Variants in SNTG1 observed in about 807,000 individuals in gnomAD.
SNTG1 encodes gamma-1-syntrophin.
In SNTG1, 39 loss-of-function variants were observed where a neutral mutation model predicts 74.7. The ratio of observed to expected loss-of-function variants is 0.52; its 90% CI spans 0.40 to 0.68. The LOEUF is 0.68. Among genes scored for constraint, SNTG1 ranks in the 30% least tolerant of loss-of-function variants. The probability of loss-of-function intolerance (pLI) is 0.00; values close to 1 mark genes in which losing one functional copy is unlikely to be tolerated. For synonymous variants in SNTG1, 254 were observed against 217.1 expected, an observed-to-expected ratio of 1.17 and a Z score of -1.49; for missense variants, 685 against 609.5, an observed-to-expected ratio of 1.12 and a Z score of -1.30.
intron 2 of SNTG1, among the ~76,000 whole-genome samples, chr8:50,259,693 G>A (rs2087084784): frequency 6.6e-6 from 1 of 152,032 alleles, no homozygotes; most frequent in African/African-American, 2.4e-5. Flanking sequence ...ATGGATCTTG[G>A]AAGTTGTCAA....
chr8:50,459,878 G>T (rs1384887815), intron 8 of SNTG1, among the ~76,000 whole-genome samples: 1 of 152,126 alleles, frequency 6.6e-6, no homozygotes, highest in Non-Finnish European at 1.5e-5. Flanking sequence ...ACATTTCATG[G>T]TATACATGCA....
At chr8:50,739,805 A>G (rs951051095) in intron 17 of SNTG1, among the ~76,000 whole-genome samples, 1 of 152,018 alleles carries the variant, frequency 6.6e-6, no homozygotes, top group Non-Finnish European at 1.5e-5. Context: ...AGAATGGGGA[A>G]CCCAGAAATA....
intron 15 of SNTG1, among the ~76,000 whole-genome samples, chr8:50,681,646 A>G (rs2095331361): frequency 6.6e-6 from 1 of 152,202 alleles, no homozygotes; most frequent in African/African-American, 2.4e-5. Flanking sequence ...TAAAACAACG[A>G]GAGAGGAGGA....
At chr8:50,342,218 A>G (rs1341665010) in intron 2 of SNTG1, among the ~76,000 whole-genome samples, 1 of 152,084 alleles carries the variant, frequency 6.6e-6, no homozygotes, top group Non-Finnish European at 1.5e-5. Flanking sequence ...TTCCAGGATA[A>G]TATCATGCAC....
chr8:50,186,350 C>T (rs1303798058), intron 2 of SNTG1, among the ~76,000 whole-genome samples: 1 of 151,948 alleles, frequency 6.6e-6, no homozygotes, highest in Non-Finnish European at 1.5e-5. Flanking sequence ...ATTTATATTC[C>T]TTTGGGTATA....
At chr8:49,961,712 G>A (rs993544423) in intron 1 of SNTG1, among the ~76,000 whole-genome samples, 1 of 152,184 alleles carries the variant, frequency 6.6e-6, no homozygotes, top group Non-Finnish European at 1.5e-5. Context: ...TTGATTGAAA[G>A]CATCTGCGGA....
chr8:50,262,281 G>A (rs2087233656), intron 2 of SNTG1, among the ~76,000 whole-genome samples: 1 of 152,132 alleles, frequency 6.6e-6, no homozygotes, highest in Admixed American at 6.5e-5. Flanking sequence ...TAAGTTTCCA[G>A]CAGAGGAAAC....
At chr8:50,508,024 C>T (rs912330718) in intron 9 of SNTG1, among the ~76,000 whole-genome samples, 1 of 151,968 alleles carries the variant, frequency 6.6e-6, no homozygotes, top group Non-Finnish European at 1.5e-5. Context: ...CCCATTAACT[C>T]ATCATTTAAC....
At chr8:50,237,746 ACTT>A (rs1166723280) in intron 2 of SNTG1, among the ~76,000 whole-genome samples, 7 of 152,096 alleles carry the variant, frequency 4.6e-5, no homozygotes, top group African/African-American at 1.7e-4. Flanking sequence ...GCCAATAAGA[ACTT>A]CTTCATATTG....
At chr8:50,188,804 C>T (rs1321360931) in intron 2 of SNTG1, among the ~76,000 whole-genome samples, 1 of 152,116 alleles carries the variant, frequency 6.6e-6, no homozygotes, top group African/African-American at 2.4e-5. Flanking sequence ...AGTAGACGTT[C>T]ACTGAGGATA....
At chr8:50,598,939 A>T (rs996825465) in intron 13 of SNTG1, among the ~76,000 whole-genome samples, 5 of 152,020 alleles carry the variant, frequency 3.3e-5, no homozygotes, top group South Asian at 2.1e-4. Flanking sequence ...TACTAAAGTC[A>T]TTCATTAGTT....
intron 1 of SNTG1, among the ~76,000 whole-genome samples, chr8:50,037,287 C>A (rs1423900543): frequency 2.0e-5 from 3 of 152,172 alleles, no homozygotes; most frequent in Non-Finnish European, 4.4e-5. Flanking sequence ...CAGTGCTTCT[C>A]AACCTTTATC....
chr8:50,729,579 C>T (rs2095507992), intron 17 of SNTG1, among the ~76,000 whole-genome samples: 1 of 152,184 alleles, frequency 6.6e-6, no homozygotes, highest in South Asian at 2.1e-4. Context: ...GCAGGCAATC[C>T]ATGTCCAATA....
chr8:50,370,508 T>A (rs2092242608), intron 2 of SNTG1, among the ~76,000 whole-genome samples: 1 of 151,944 alleles, frequency 6.6e-6, no homozygotes, highest in Non-Finnish European at 1.5e-5. Flanking sequence ...CAGTGGAGAG[T>A]AGGAGCAGCG....
At chr8:50,139,732 GC>G (rs2081594717) in intron 1 of SNTG1, among the ~76,000 whole-genome samples, 1 of 152,214 alleles carries the variant, frequency 6.6e-6, no homozygotes, top group South Asian at 2.1e-4. Context: ...CCACGGTTGG[GC>G]CATTTGAAGA....
chr8:50,229,955 C>T (rs535983602), intron 2 of SNTG1, among the ~76,000 whole-genome samples: 31 of 151,582 alleles, frequency 2.0e-4, no homozygotes, highest in African/African-American at 5.5e-4. Flanking sequence ...CAATATTTGA[C>T]GATTAAACAA....
intron 13 of SNTG1, among the ~76,000 whole-genome samples, chr8:50,648,665 C>T (rs557598967): frequency 6.6e-6 from 1 of 151,954 alleles, no homozygotes; most frequent in Non-Finnish European, 1.5e-5. Context: ...CATTGTATGA[C>T]ATTTTAAAAA....
At chr8:50,735,677 G>A (rs192923930) in intron 17 of SNTG1, among the ~76,000 whole-genome samples, 4 of 151,938 alleles carry the variant, frequency 2.6e-5, no homozygotes, top group Non-Finnish European at 5.9e-5. Flanking sequence ...GGAGAGAATG[G>A]AATCAAGTTG....
intron 4 of SNTG1, among the ~76,000 whole-genome samples, chr8:50,421,593 C>A (rs1314503973): frequency 6.6e-6 from 1 of 152,148 alleles, no homozygotes; most frequent in Admixed American, 6.5e-5. Flanking sequence ...AATGCCTTAA[C>A]CTCCTAGTAG....
Sources: gnomAD v4.1 joint callset for allele counts (sites outside exome capture counted in the v4.1 genomes callset) on GRCh38, gnomAD v4.1.1 for gene constraint, MANE v1.5 for transcripts, NCBI Gene and HGNC (gene_info 2026-07-23, HGNC 2026-07-21) for gene names.